FAM227A: variants seen among roughly 807,000 people sequenced by gnomAD.
FAM227A encodes protein FAM227A.
A neutral mutation model predicts 74.7 loss-of-function variants in FAM227A; 80 were observed. The observed-to-expected ratio is 1.07, with a 90% CI of 0.89 to 1.29. The LOEUF (loss-of-function observed/expected upper bound fraction) is 1.29, where lower values mean the gene tolerates loss of function less well. Ranked by LOEUF, FAM227A falls within the 50% of genes most tolerant of loss-of-function variation. The pLI is 0.00. For missense variants in FAM227A, 654 were observed against 683.4 expected (o/e 0.96, Z 0.48); for synonymous variants, 237 against 241.8 (o/e 0.98, Z 0.19).
chr22:38,647,362 G>T (rs560170750), intron 2 of FAM227A, among the ~76,000 whole-genome samples: 2 of 151,934 alleles, frequency 1.3e-5, no homozygotes. Context: ...CTACTTGAGC[G>T]CTGAGGCAGG....
At chr22:38,644,956 G>C (rs964704331) in intron 3 of FAM227A, among the ~76,000 whole-genome samples, 1 of 152,064 alleles carries the variant, frequency 6.6e-6, no homozygotes, top group Non-Finnish European at 1.5e-5. Context: ...GGGTATGGTG[G>C]CACACGGCTG....
At chr22:38,594,137 G>A (rs1818675859) in intron 15 of FAM227A, among the ~76,000 whole-genome samples, 1 of 152,138 alleles carries the variant, frequency 6.6e-6, no homozygotes, top group African/African-American at 2.4e-5. Flanking sequence ...TCTGCCTTCC[G>A]ACTTTAGCCT....
At chr22:38,647,337 C>T (rs1432504929) in intron 2 of FAM227A, among the ~76,000 whole-genome samples, 3 of 151,640 alleles carry the variant, frequency 2.0e-5, no homozygotes, top group African/African-American at 4.9e-5. Flanking sequence ...TGGTGGCAGA[C>T]GCCTATAGTC....
rs542511124 is a variant in FAM227A at position 38,610,184 on chromosome 22, A to T, written c.1039-2708T>A. Reference sequence around the variant, plus strand: ...ATGTACCACCACACCTGGCTAATTTAAAAAAAAATTTTTTTTTTGGTAGAG... The same window carrying T: ...ATGTACCACCACACCTGGCTAATTTTAAAAAAAATTTTTTTTTTGGTAGAG... On this transcript the variant is annotated intron_variant, in intron 11 of 16. Coordinates refer to ENST00000535113, the MANE Select transcript of FAM227A (RefSeq NM_001013647.2). 3.8e-3 allele frequency among the ~76,000 whole-genome samples: 571 copies of T among 151,310 alleles called. 9 individuals are homozygous for T. Among genetic ancestry groups the T allele is most frequent in the South Asian group, 0.038 (180 of 4,776 alleles).
At position 38,583,001 on chromosome 22, in the gene FAM227A, C is replaced by T; in HGVS notation, c.*3124G>A. On this transcript the variant is annotated 3_prime_UTR_variant, in exon 17 of 17. Coordinates refer to ENST00000535113, the MANE Select transcript of FAM227A (RefSeq NM_001013647.2). The stretch of plus-strand genomic sequence containing the variant: ...GCATTTTCAGGTCCAGAAGCAGCAA[C>T]AGACAAAAGATCCAGAAATAGGAAA... The T allele has an allele frequency of 6.5e-7, 1 of 1,531,892 alleles. No homozygotes were observed. Among genetic ancestry groups the T allele is most frequent in the Non-Finnish European group, 8.8e-7 (1 of 1,131,454 alleles). 94.9% of individuals were successfully genotyped at this position (1,531,892 alleles called of 1,614,324 possible). A position where few individuals can be genotyped will look rare whatever the true frequency, so the allele number is the denominator to read the frequency against.
At chr22:38,599,252 C>T (rs1392744814) in intron 14 of FAM227A, among the ~76,000 whole-genome samples, 3 of 152,092 alleles carry the variant, frequency 2.0e-5, no homozygotes, top group Non-Finnish European at 2.9e-5. Flanking sequence ...TGAGCTACCA[C>T]GCCTGGCCAA....
intron 3 of FAM227A, among the ~76,000 whole-genome samples, chr22:38,642,517 A>T (rs2092139068): frequency 6.6e-6 from 1 of 152,258 alleles, no homozygotes; most frequent in African/African-American, 2.4e-5. Flanking sequence ...GGAAATGATA[A>T]GTTAGATTTC....
rs34626242 is a variant in FAM227A at position 38,653,377 on chromosome 22, C to CTT, written c.-95+2741_-95+2742dup. 1.9e-3 allele frequency among the ~76,000 whole-genome samples: 257 copies of CTT among 137,696 alleles called. 4 individuals are homozygous for CTT. The East Asian group carries it at 0.025, about 13-fold the overall frequency. The allele number at this position is 137,696 out of a possible 152,430, so 90.3% of individuals were successfully genotyped here. On this transcript the variant is annotated intron_variant, in intron 1 of 16. Transcript: ENST00000535113. ...AATAAAGTGCACAATGAATGTAATGCTTTTTTTTTTTTTTTTGAGACAGAG... is the reference window on the plus strand; with the variant it reads ...AATAAAGTGCACAATGAATGTAATGCTTTTTTTTTTTTTTTTTTGAGACAGAG...
intron 2 of FAM227A, among the ~76,000 whole-genome samples, chr22:38,646,555 C>T (rs2092243939): frequency 6.6e-6 from 1 of 151,942 alleles, no homozygotes; most frequent in Admixed American, 6.6e-5. Context: ...AGCCACCGCG[C>T]CCGGCCCAGT....
At chr22:38,593,561 TAC>T (rs1436173998) in intron 15 of FAM227A, among the ~76,000 whole-genome samples, 4 of 152,024 alleles carry the variant, frequency 2.6e-5, no homozygotes, top group African/African-American at 9.7e-5. Flanking sequence ...GAACAACAGT[TAC>T]AGAGGCAGAA....
intron 16 of FAM227A, among the ~76,000 whole-genome samples, chr22:38,590,837 T>A (rs2090917521): frequency 6.6e-6 from 1 of 151,672 alleles, no homozygotes; most frequent in African/African-American, 2.4e-5. Context: ...CAGGATGGAG[T>A]GTAGTGGCGT....
intron 1 of FAM227A, among the ~76,000 whole-genome samples, chr22:38,651,406 C>A (rs2092319606): frequency 6.6e-6 from 1 of 152,142 alleles, no homozygotes; most frequent in South Asian, 2.1e-4. Context: ...CAGCGTCTTG[C>A]TCTGTCGTCC....
chr22:38,623,400 A>G (rs146396775), intron 9 of FAM227A, 121 bp from the exon 10 acceptor site: 16 of 606,880 alleles, frequency 2.6e-5, no homozygotes, highest in Non-Finnish European at 4.2e-5. Context: ...CCTAGGCAAC[A>G]TAGTGGGACT....
chr22:38,620,679 C>T (rs969378567), intron 10 of FAM227A, among the ~76,000 whole-genome samples: 5 of 151,536 alleles, frequency 3.3e-5, no homozygotes, highest in South Asian at 2.1e-4. Flanking sequence ...CATGGTGGCG[C>T]GCGCCTGTAG....
chr22:38,649,996 C>A, intron 2 of FAM227A, 31 bp downstream of exon 2: 1 of 1,550,064 alleles, frequency 6.5e-7, no homozygotes, highest in South Asian at 1.2e-5. Context: ...TGTATTTGGT[C>A]TGATTGTAGG....
chr22:38,635,208 G>A (rs1027180704), intron 6 of FAM227A, among the ~76,000 whole-genome samples: 3 of 138,344 alleles, frequency 2.2e-5, no homozygotes, highest in Non-Finnish European at 3.0e-5. Flanking sequence ...CCAGCCTGGC[G>A]ACAGAGCGAG....
chr22:38,617,095 A>G (rs926142365), intron 11 of FAM227A, among the ~76,000 whole-genome samples: 3 of 152,038 alleles, frequency 2.0e-5, no homozygotes, highest in Non-Finnish European at 4.4e-5. Flanking sequence ...GAATCTGGGC[A>G]TGCTAGGGCA....
intron 3 of FAM227A, among the ~76,000 whole-genome samples, chr22:38,644,875 G>C (rs988771143): frequency 6.6e-6 from 1 of 151,270 alleles, no homozygotes; most frequent in Non-Finnish European, 1.5e-5. Context: ...ATCACTTGAG[G>C]TGGGGAGTTT....
rs112861194 is a variant in FAM227A at position 38,583,149 on chromosome 22, G to A, written c.*2976C>T. Reference sequence around the variant, plus strand: ...CCTTGTACTCGGCAGGTGCTCACACGTTCTGGTTTCAGAAGACTATACTTT... The same window carrying A: ...CCTTGTACTCGGCAGGTGCTCACACATTCTGGTTTCAGAAGACTATACTTT... On this transcript the variant is annotated 3_prime_UTR_variant, in exon 17 of 17. Coordinates refer to ENST00000535113, the MANE Select transcript of FAM227A (RefSeq NM_001013647.2). 6,639 of 498,864 alleles carry A rather than the reference G, an allele frequency of 0.013. 86 individuals carry two copies. The highest frequency in any genetic ancestry group is 0.021 in the Admixed American group (607 of 28,890). 30.9% of individuals were successfully genotyped at this position (498,864 alleles called of 1,614,324 possible).
Sources: gnomAD v4.1 joint callset for allele counts (sites outside exome capture counted in the v4.1 genomes callset) on GRCh38, gnomAD v4.1.1 for gene constraint, MANE v1.5 for transcripts, NCBI Gene and HGNC (gene_info 2026-07-23, HGNC 2026-07-21) for gene names.